Variants in DKK3 observed in about 807,000 individuals in gnomAD.
DKK3 encodes dickkopf Wnt signaling pathway inhibitor 3.
DKK3 carries 22 observed loss-of-function variants against 33.2 expected under a neutral mutation model. That is an observed-to-expected ratio of 0.66 (90% CI 0.47 to 0.95). The LOEUF is 0.95. DKK3 is among the 40% of genes least tolerant of loss of function. The pLI is 0.00. For missense variants in DKK3, 398 were observed against 458.4 expected, an observed-to-expected ratio of 0.87 and a Z score of 1.20; for synonymous variants, 194 against 188.8, an observed-to-expected ratio of 1.03 and a Z score of -0.23.
intron 1 of DKK3, 139 bp from the exon 2 acceptor site, chr11:12,002,576 C>A: frequency 1.1e-6 from 1 of 878,746 alleles, no homozygotes; most frequent in South Asian, 1.8e-5. Flanking sequence ...ATTGAGTACT[C>A]ACTATGATAA....
chr11:12,008,824 A>T, upstream of DKK3: 2 of 1,166,310 alleles, frequency 1.7e-6, no homozygotes, highest in Admixed American at 9.3e-5. This position sits in a 1 kb window ranked among gnomAD's most constrained non-coding sequence, Gnocchi z 4.6. Flanking sequence ...TCGCCCCAGG[A>T]CCCCGCACCC....
chr11:11,964,805 C>A (rs934349235), intron 6 of DKK3, 119 bp from the exon 7 acceptor site: 34 of 1,505,658 alleles, frequency 2.3e-5, no homozygotes, highest in Non-Finnish European at 2.7e-5. Context: ...CCTCTCCTGT[C>A]TCTTCAACAG....
chr11:11,974,251 G>A (rs1038752597), intron 3 of DKK3, among the ~76,000 whole-genome samples: 16 of 152,362 alleles, frequency 1.1e-4, no homozygotes, highest in South Asian at 6.2e-4. Context: ...TTTAGAAAGC[G>A]CCAACCAGTT....
Position 11,964,353 on chromosome 11 carries a change from T to TA in DKK3, c.*110dup. On this transcript the variant is annotated 3_prime_UTR_variant, in exon 7 of 7. Transcript: ENST00000683431. ...ATGCTGTCAAGCCAGAGGGGAAACT[T>TA]ACTGGGAAGAAGATGTAGGAAGAAG... 7.2e-7 allele frequency: 1 copy of TA among 1,381,996 alleles called. No individual in the cohort carries two copies. Among genetic ancestry groups the TA allele is most frequent in the Non-Finnish European group, 9.8e-7 (1 of 1,020,506 alleles). 85.6% of individuals were successfully genotyped at this position (1,381,996 alleles called of 1,614,324 possible).
chr11:11,998,502 G>A, intron 3 of DKK3, 194 bp downstream of exon 3: 1 of 644,836 alleles, frequency 1.6e-6, no homozygotes, highest in East Asian at 2.7e-5. Flanking sequence ...GATGCCAAGT[G>A]CATGGAGGCG....
chr11:11,964,785 C>T, intron 6 of DKK3, 99 bp from the exon 7 acceptor site: 1 of 1,529,028 alleles, frequency 6.5e-7, no homozygotes, highest in Admixed American at 2.0e-5. Flanking sequence ...GCCTCACCTT[C>T]ATGCCCCCTC....
intron 2 of DKK3, among the ~76,000 whole-genome samples, chr11:12,000,275 G>A (rs1848396981): frequency 1.3e-5 from 2 of 152,130 alleles, no homozygotes; most frequent in African/African-American, 4.8e-5. Flanking sequence ...CGATGATCTC[G>A]GCTCACTGCA....
chr11:11,989,566 G>A (rs1488770803), intron 3 of DKK3, among the ~76,000 whole-genome samples: 1 of 152,134 alleles, frequency 6.6e-6, no homozygotes, highest in Non-Finnish European at 1.5e-5. Flanking sequence ...AAAGAAGAAT[G>A]GAGGTTGCCA....
At chr11:11,982,174 G>A (rs1466001413) in intron 3 of DKK3, among the ~76,000 whole-genome samples, 1 of 152,156 alleles carries the variant, frequency 6.6e-6, no homozygotes, top group Non-Finnish European at 1.5e-5. Context: ...CAGGGTAGTC[G>A]GAGTCACGGG....
At chr11:11,978,432 TTCTTCC>T (rs1434873661) in intron 3 of DKK3, among the ~76,000 whole-genome samples, 46 of 152,166 alleles carry the variant, frequency 3.0e-4, no homozygotes, top group African/African-American at 1.1e-3. Context: ...CTTCCTCTTC[TTCTTCC>T]TCTTCCTCTT....
At chr11:11,974,018 T>C (rs189345350) in intron 3 of DKK3, among the ~76,000 whole-genome samples, 17 of 152,358 alleles carry the variant, frequency 1.1e-4, no homozygotes, top group African/African-American at 3.8e-4. Context: ...CCAGACATTC[T>C]TGTTCACCGG....
intron 3 of DKK3, among the ~76,000 whole-genome samples, chr11:11,987,475 G>A (rs552139596): frequency 2.4e-4 from 36 of 152,314 alleles, no homozygotes; most frequent in African/African-American, 7.5e-4. Context: ...AGCAGGGGTG[G>A]AACACAGGTT....
chr11:11,968,058 C>T (rs1044575435), intron 4 of DKK3, among the ~76,000 whole-genome samples: 1 of 152,118 alleles, frequency 6.6e-6, no homozygotes, highest in African/African-American at 2.4e-5. Flanking sequence ...TCAATAGATC[C>T]TTCTGCCTTG....
chr11:11,995,551 C>T (rs957210466), intron 3 of DKK3, among the ~76,000 whole-genome samples: 4 of 152,202 alleles, frequency 2.6e-5, no homozygotes, highest in South Asian at 2.1e-4. Context: ...CTTGTAGCTG[C>T]GAGTTGGATT....
At chr11:11,973,160 C>T (rs1164444510) in intron 3 of DKK3, among the ~76,000 whole-genome samples, 4 of 152,238 alleles carry the variant, frequency 2.6e-5, no homozygotes, top group East Asian at 1.9e-4. Context: ...CACTAGTGCC[C>T]GCCACCTGGC....
chr11:12,006,655 G>A (rs1053939289), intron 1 of DKK3, among the ~76,000 whole-genome samples: 4 of 152,184 alleles, frequency 2.6e-5, no homozygotes, highest in Non-Finnish European at 4.4e-5. Context: ...AATCCAGTCT[G>A]GATAACGCCC....
intron 4 of DKK3, 39 bp from the exon 5 acceptor site, chr11:11,967,137 G>C: frequency 1.2e-6 from 2 of 1,601,822 alleles, no homozygotes; most frequent in Middle Eastern, 2.0e-4. Flanking sequence ...CAGCGGCTTA[G>C]GGACTGGGGG....
rs1327514663 is a variant in DKK3, at chr11:11,963,538, G to A, written c.*926C>T. 6.6e-6 allele frequency: 1 copy of A among 152,228 alleles called. No homozygotes were observed. The highest frequency in any genetic ancestry group is 1.5e-5 in the Non-Finnish European group (1 of 68,054). 9.4% of individuals were successfully genotyped at this position (152,228 alleles called of 1,614,324 possible). A position where few individuals can be genotyped will look rare whatever the true frequency, so the allele number is the denominator to read the frequency against. ...AGTGTCAATATCATTGTCTTCATTA[G>A]AAGGACGGCTGCCCCACACTGTGAG... is the stretch of plus-strand genomic sequence containing the variant. On this transcript the variant is annotated 3_prime_UTR_variant, in exon 7 of 7. Coordinates refer to ENST00000683431, the MANE Select transcript of DKK3 (RefSeq NM_001018057.2).
At chr11:11,971,621 G>A (rs891582704) in intron 3 of DKK3, among the ~76,000 whole-genome samples, 13 of 152,124 alleles carry the variant, frequency 8.5e-5, no homozygotes, top group African/African-American at 2.9e-4. Flanking sequence ...GTAGACTTGC[G>A]ATTTTCACTA....
Sources: gnomAD v4.1 joint callset for allele counts (sites outside exome capture counted in the v4.1 genomes callset) on GRCh38, gnomAD v4.1.1 for gene constraint, Gnocchi (gnomAD v3.1) non-coding constraint, MANE v1.5 for transcripts, NCBI Gene and HGNC (gene_info 2026-07-23, HGNC 2026-07-21) for gene names.